Variants in ROBO1 observed in about 807,000 individuals in gnomAD.
ROBO1 encodes roundabout guidance receptor 1, also known as roundabout homolog 1.
ROBO1 carries 149 observed loss-of-function variants against 195.9 expected under a neutral mutation model. The ratio of observed to expected loss-of-function variants is 0.76; its 90% CI spans 0.67 to 0.87. The LOEUF is 0.87. Among genes scored for constraint, ROBO1 ranks in the 40% least tolerant of loss-of-function variants. The pLI, the probability that ROBO1 is intolerant of heterozygous loss-of-function variation, is 0.00. For missense variants in ROBO1, 1,933 were observed against 2,068.3 expected (o/e 0.93, Z 1.27); for synonymous variants, 816 against 733.2 (o/e 1.11, Z -1.82).
chr3:78,624,876 C>T (rs1704665813), intron 26 of ROBO1, among the ~76,000 whole-genome samples: 1 of 152,034 alleles, frequency 6.6e-6, no homozygotes, highest in Non-Finnish European at 1.5e-5. Flanking sequence ...GGATGCTTAC[C>T]AGGCAATCAG....
In ROBO1 at chr3:79,154,700, G is replaced by A. The variant is rs1442561311; in HGVS notation, c.89-29161C>T. ...GCAACTGGTATTCCCACTGAATTTT[G>A]TAAAAAATGAAAAAAAAGGCAAGTT... On this transcript the variant is annotated intron_variant, in intron 2 of 30. Coordinates refer to ENST00000464233, the MANE Select transcript of ROBO1 (RefSeq NM_002941.4). Among the ~76,000 whole-genome samples the A allele has an allele frequency of 2.6e-5, 4 of 151,422 alleles. No homozygotes were observed. The East Asian group carries it at 7.8e-4, about 30-fold the overall frequency.
At chr3:78,890,791 T>A (rs1319373787) in intron 4 of ROBO1, among the ~76,000 whole-genome samples, 1 of 152,184 alleles carries the variant, frequency 6.6e-6, no homozygotes, top group African/African-American at 2.4e-5. Flanking sequence ...AGCTAGGATC[T>A]CACTATGTCA....
chr3:78,962,175 T>C (rs1195359955), intron 3 of ROBO1, among the ~76,000 whole-genome samples: 1 of 152,062 alleles, frequency 6.6e-6, no homozygotes, highest in Non-Finnish European at 1.5e-5. Flanking sequence ...AACACCAAGT[T>C]AGGAGTAAAA....
intron 2 of ROBO1, among the ~76,000 whole-genome samples, chr3:79,523,414 T>C (rs1027863438): frequency 1.3e-4 from 19 of 151,302 alleles, no homozygotes; most frequent in African/African-American, 4.6e-4. Context: ...GAAAAAAAAA[T>C]TGTTCACCAA....
At chr3:79,200,660 T>C (rs1373250929) in intron 2 of ROBO1, among the ~76,000 whole-genome samples, 2 of 151,806 alleles carry the variant, frequency 1.3e-5, no homozygotes, top group Middle Eastern at 3.4e-3. Context: ...CACACAAAAA[T>C]GTGGATGTGC....
intron 2 of ROBO1, among the ~76,000 whole-genome samples, chr3:79,208,957 T>C (rs756385421): frequency 2.6e-5 from 4 of 152,246 alleles, no homozygotes; most frequent in South Asian, 2.1e-4. Flanking sequence ...GGGGAAGAGA[T>C]GGGCTTCAAA....
chr3:78,922,892 C>A (rs570293124), intron 4 of ROBO1, among the ~76,000 whole-genome samples: 2 of 152,248 alleles, frequency 1.3e-5, no homozygotes, highest in African/African-American at 4.8e-5. Flanking sequence ...GCTATCGCAT[C>A]TGGACTCATT....
intron 1 of ROBO1, among the ~76,000 whole-genome samples, chr3:79,673,881 G>A (rs767589775): frequency 6.6e-5 from 10 of 151,884 alleles, no homozygotes; most frequent in Non-Finnish European, 8.8e-5. Context: ...ATTACCATAA[G>A]CTCAGATGTA....
intron 4 of ROBO1, among the ~76,000 whole-genome samples, chr3:78,882,884 C>T (rs2036269258): frequency 6.7e-6 from 1 of 148,580 alleles, no homozygotes; most frequent in South Asian, 2.1e-4. Flanking sequence ...GTGATCTTGG[C>T]TCACTGCAAT....
chr3:78,956,900 G>A (rs1463832161), intron 3 of ROBO1, among the ~76,000 whole-genome samples: 2 of 152,114 alleles, frequency 1.3e-5, no homozygotes, highest in Non-Finnish European at 2.9e-5. Context: ...AGTATCACAT[G>A]TGGTATAAAT....
chr3:79,018,409 G>C, intron 3 of ROBO1: 1 of 1,613,874 alleles, frequency 6.2e-7, no homozygotes, highest in Non-Finnish European at 8.5e-7. Context: ...GGGGTTACCT[G>C]AACAGAGACA....
At position 78,662,008 on chromosome 3, in the gene ROBO1, G is replaced by A. The variant is rs749524207; in HGVS notation, c.2073C>T (p.Ile691=). The change falls in exon 15 of 31, where the codon ATC becomes ATT. Residue 691 remains isoleucine (I), a synonymous_variant. Coordinates refer to ENST00000464233, the MANE Select transcript of ROBO1 (RefSeq NM_002941.4). ...AACAACTCACTGTCCAGTGCACTTC[G>A]ATGGAAGAGGAAGAAAGGACGGTGG... ...HNPTVLSSSS[I]EVHWTVDQQS... is the part of the protein sequence containing the mutation. The A allele has an allele frequency of 3.1e-6, 5 of 1,607,500 alleles. No individual in the cohort carries two copies. The highest frequency in any genetic ancestry group is 2.2e-5 in the East Asian group (1 of 44,772).
intron 2 of ROBO1, among the ~76,000 whole-genome samples, chr3:79,180,163 T>C (rs1211323049): frequency 1.3e-5 from 2 of 152,216 alleles, no homozygotes; most frequent in Admixed American, 1.3e-4. Context: ...GTCTTTAGGA[T>C]GAAGCCCAAA....
chr3:78,992,589 C>G (rs1055333239), intron 3 of ROBO1, among the ~76,000 whole-genome samples: 1 of 152,160 alleles, frequency 6.6e-6, no homozygotes, highest in Non-Finnish European at 1.5e-5. Context: ...CATTTACTTA[C>G]TGTTTAAAAC....
At chr3:78,959,820 T>C (rs1021416218) in intron 3 of ROBO1, among the ~76,000 whole-genome samples, 8 of 152,176 alleles carry the variant, frequency 5.3e-5, no homozygotes, top group African/African-American at 1.9e-4. Context: ...AATACACAGA[T>C]AGCACAACAT....
chr3:79,015,364 A>C (rs1424049827), intron 3 of ROBO1, among the ~76,000 whole-genome samples: 1 of 151,558 alleles, frequency 6.6e-6, no homozygotes, highest in African/African-American at 2.4e-5. Context: ...TCTTCCCAAG[A>C]GAAACCCTCC....
chr3:79,760,329 A>AGATT (rs1704628273), intron 1 of ROBO1, among the ~76,000 whole-genome samples: 1 of 149,546 alleles, frequency 6.7e-6, no homozygotes, highest in Non-Finnish European at 1.5e-5. Flanking sequence ...TTCACCATAA[A>AGATT]GATTGGTTTC....
At chr3:78,788,350 C>T (rs1208208080) in intron 4 of ROBO1, among the ~76,000 whole-genome samples, 2 of 149,642 alleles carry the variant, frequency 1.3e-5, no homozygotes, top group Non-Finnish European at 3.0e-5. Flanking sequence ...GATCTCCTGA[C>T]CTCGTGATCC....
intron 2 of ROBO1, among the ~76,000 whole-genome samples, chr3:79,136,647 G>T (rs2080414653): frequency 6.6e-6 from 1 of 152,028 alleles, no homozygotes; most frequent in Admixed American, 6.6e-5. Flanking sequence ...TCAAATACAA[G>T]AAACCCCTAT....
Sources: allele counts gnomAD v4.1 joint callset (sites outside exome capture counted in the v4.1 genomes callset), GRCh38; gene constraint gnomAD v4.1.1; transcripts MANE v1.5; gene names NCBI Gene and HGNC (gene_info 2026-07-23, HGNC 2026-07-21).